ABCA10: variants seen among roughly 807,000 people sequenced by gnomAD.
ABCA10 encodes ATP binding cassette subfamily A member 10, also known as ATP-binding cassette sub-family A member 10.
In ABCA10, 169 loss-of-function variants were observed where a neutral mutation model predicts 187.5. The observed-to-expected ratio is 0.90, with a 90% CI of 0.80 to 1.02. The LOEUF (loss-of-function observed/expected upper bound fraction) is 1.02. ABCA10 is among the 50% of genes least tolerant of loss of function. The pLI is 0.00. For missense variants in ABCA10, 1,727 were observed against 1,812.4 expected, an observed-to-expected ratio of 0.95 and a Z score of 0.86; for synonymous variants, 574 against 601.8, an observed-to-expected ratio of 0.95 and a Z score of 0.68.
At chr17:69,162,838 C>CATATACATATACATAGACATAT (rs375141032) in intron 27 of ABCA10, among the ~76,000 whole-genome samples, 1 of 120,838 alleles carries the variant, frequency 8.3e-6, no homozygotes, top group Non-Finnish European at 1.6e-5. Context: ...TATACATATA[C>CATATACATATACATAGACATAT]ATATATATAT....
chr17:69,174,587 T>C lies in ABCA10; in HGVS notation c.3048+20A>G, dbSNP rs754296400. The C allele has an allele frequency of 6.4e-7, 1 of 1,566,952 alleles. No individual in the cohort carries two copies. Among genetic ancestry groups the C allele is most frequent in the Non-Finnish European group, 8.6e-7 (1 of 1,157,330 alleles). On this transcript the variant is annotated intron_variant, in intron 24 of 38. Transcript: ENST00000690296. The stretch of plus-strand genomic sequence containing the variant: ...TGATTCTACTATTATAATTGGCTTG[T>C]GGAAAAAATGATCACTTACCAAAAC...
At chr17:69,221,702 G>A (rs1335018194) in intron 5 of ABCA10, 90 bp downstream of exon 5, 3 of 1,148,766 alleles carry the variant, frequency 2.6e-6, no homozygotes, top group African/African-American at 1.6e-5. Flanking sequence ...CACCTCCTAA[G>A]AGTGTAAGAG....
chr17:69,174,248 A>C (rs1428929643), intron 25 of ABCA10, 33 bp downstream of exon 25: 1 of 1,423,658 alleles, frequency 7.0e-7, no homozygotes, highest in East Asian at 2.4e-5. Flanking sequence ...AAGGAAATTT[A>C]ATATAAATGT....
At chr17:69,221,958 C>G in intron 4 of ABCA10, 63 bp from the exon 5 acceptor site, 1 of 1,288,732 alleles carries the variant, frequency 7.8e-7, no homozygotes, top group Non-Finnish European at 1.1e-6. Context: ...GGAATTAAAA[C>G]TTTAACTTTG....
intron 20 of ABCA10, among the ~76,000 whole-genome samples, chr17:69,184,035 A>G (rs527475916): frequency 1.1e-4 from 16 of 152,252 alleles, no homozygotes; most frequent in African/African-American, 3.9e-4. Flanking sequence ...TTGTAGGGGC[A>G]TTGAGACCAC....
chr17:69,202,925 A>G (rs1231958831), intron 9 of ABCA10, among the ~76,000 whole-genome samples: 2 of 152,212 alleles, frequency 1.3e-5, no homozygotes, highest in African/African-American at 4.8e-5. Flanking sequence ...ACTGTAGGAT[A>G]ATTAAAACAA....
chr17:69,191,717 TA>T (rs1176485187), intron 16 of ABCA10, among the ~76,000 whole-genome samples: 1 of 152,178 alleles, frequency 6.6e-6, no homozygotes. Flanking sequence ...GTGATATACA[TA>T]AAAAACAATC....
At chr17:69,219,825 G>T in intron 5 of ABCA10, 54 bp from the exon 6 acceptor site, 1 of 1,207,742 alleles carries the variant, frequency 8.3e-7, no homozygotes, top group Non-Finnish European at 1.1e-6. Flanking sequence ...AAATATATTA[G>T]AAAACTATAC....
At chr17:69,165,835 T>A (rs1426864100) in intron 25 of ABCA10, among the ~76,000 whole-genome samples, 1 of 152,040 alleles carries the variant, frequency 6.6e-6, no homozygotes, top group East Asian at 1.9e-4. Context: ...TTGAAAAAAA[T>A]TAAAGAAAAA....
chr17:69,160,375 G>A (rs750481153), intron 27 of ABCA10, among the ~76,000 whole-genome samples: 1 of 152,190 alleles, frequency 6.6e-6, no homozygotes, highest in Non-Finnish European at 1.5e-5. Flanking sequence ...TTGGGAGGCT[G>A]AGGCAGGTGA....
chr17:69,154,992 A>C (rs1175468507), intron 30 of ABCA10, 27 bp downstream of exon 30: 8 of 1,480,312 alleles, frequency 5.4e-6, no homozygotes, highest in Admixed American at 3.6e-5. Flanking sequence ...ACATTATAAT[A>C]ATAATAAAAG....
At chr17:69,231,834 TG>T (rs1221492764), upstream of ABCA10, among the ~76,000 whole-genome samples, 3 of 97,364 alleles carry the variant, frequency 3.1e-5, no homozygotes, top group African/African-American at 1.9e-4. Flanking sequence ...ATTTTCTGTC[TG>T]GATGATCTGT....
At chr17:69,190,278 T>A in intron 18 of ABCA10, 80 bp downstream of exon 18, 1 of 1,410,372 alleles carries the variant, frequency 7.1e-7, no homozygotes, top group East Asian at 2.6e-5. Context: ...CACATAAAAA[T>A]CTACAAATAT....
chr17:69,213,614 G>A (rs2074677588), intron 9 of ABCA10, among the ~76,000 whole-genome samples: 1 of 152,178 alleles, frequency 6.6e-6, no homozygotes, highest in African/African-American at 2.4e-5. Context: ...GGCATCCAGT[G>A]AGCAAGGCTG....
At chr17:69,233,515 A>AT (rs1179083128), upstream of ABCA10, 1 of 151,986 alleles carries the variant, frequency 6.6e-6, no homozygotes, top group Non-Finnish European at 1.5e-5. Flanking sequence ...GCTATTTTAC[A>AT]TTTTTTGTCT....
chr17:69,209,329 CAAT>C (rs2074617930), intron 9 of ABCA10, among the ~76,000 whole-genome samples: 1 of 35,480 alleles, frequency 2.8e-5, no homozygotes, highest in Non-Finnish European at 1.3e-4. Context: ...TTAGAGAATT[CAAT>C]TCATTTCTTC....
chr17:69,238,621 C>A (rs542866761), intron 1 of ABCA10, among the ~76,000 whole-genome samples: 1 of 152,284 alleles, frequency 6.6e-6, no homozygotes, highest in East Asian at 1.9e-4. Flanking sequence ...TCAACTTTGA[C>A]CCTGTGGTAA....
At chr17:69,242,887 G>T (rs1291152824) in intron 1 of ABCA10, among the ~76,000 whole-genome samples, 1 of 152,144 alleles carries the variant, frequency 6.6e-6, no homozygotes, top group Non-Finnish European at 1.5e-5. Flanking sequence ...ATACTGGGTT[G>T]CAAAAACCTG....
intron 38 of ABCA10, 40 bp from the exon 39 acceptor site, chr17:69,148,965 G>T (rs371513297): frequency 1.5e-4 from 247 of 1,611,856 alleles, no homozygotes; most frequent in Non-Finnish European, 2.0e-4. Context: ...AAATGTCAGG[G>T]TGTGTCTGAA....
Sources: allele counts gnomAD v4.1 joint callset (sites outside exome capture counted in the v4.1 genomes callset), GRCh38; gene constraint gnomAD v4.1.1; transcripts MANE v1.5; gene names NCBI Gene and HGNC (gene_info 2026-07-23, HGNC 2026-07-21).